The following GRM5 variants were observed in gnomAD, a reference collection of about 807,000 sequenced individuals.
GRM5 encodes glutamate metabotropic receptor 5, also known as metabotropic glutamate receptor 5.
Under a neutral mutation model 83.1 loss-of-function variants are expected in GRM5, and 19 were observed. That is an observed-to-expected ratio of 0.23 (90% CI 0.16 to 0.34). GRM5 has a LOEUF of 0.34. Ranked by LOEUF, GRM5 falls within the 10% of genes least tolerant of loss-of-function variation. The probability of loss-of-function intolerance (pLI) is 1.00; values close to 1 mark genes in which losing one functional copy is unlikely to be tolerated. For missense variants in GRM5, 1,160 were observed against 1,588.3 expected, an observed-to-expected ratio of 0.73 and a Z score of 4.58; for synonymous variants, 675 against 633.6, an observed-to-expected ratio of 1.07 and a Z score of -0.98.
chr11:88,815,779 T>A (rs1245424721), intron 3 of GRM5, among the ~76,000 whole-genome samples: 5 of 152,170 alleles, frequency 3.3e-5, no homozygotes, highest in African/African-American at 1.2e-4. Context: ...TCATGAGGAA[T>A]CGGTTCCCAT....
At chr11:88,948,778 A>G (rs1436563939) in intron 2 of GRM5, among the ~76,000 whole-genome samples, 1 of 152,220 alleles carries the variant, frequency 6.6e-6, no homozygotes, top group Non-Finnish European at 1.5e-5. Context: ...CCAAAGAAAT[A>G]AAGTTAATTA....
chr11:88,983,984 T>C (rs2135028810), intron 2 of GRM5, among the ~76,000 whole-genome samples: 1 of 152,244 alleles, frequency 6.6e-6, no homozygotes, highest in South Asian at 2.1e-4. Context: ...AAAAGGAATA[T>C]AAAGAAAATA....
intron 2 of GRM5, among the ~76,000 whole-genome samples, chr11:88,950,688 A>G (rs1402880511): frequency 6.6e-6 from 1 of 152,238 alleles, no homozygotes; most frequent in Non-Finnish European, 1.5e-5. Context: ...CCTCCCAGAT[A>G]TTCCAAAATA....
Position 89,053,129 on chromosome 11 carries a change from T to C in GRM5, c.-200-5057A>G, listed in dbSNP as rs770120385. 2.0e-5 allele frequency among the ~76,000 whole-genome samples: 3 copies of C among 151,572 alleles called. 1 individual carries two copies. Among genetic ancestry groups the C allele is most frequent in the African/African-American group, 7.3e-5 (3 of 41,236 alleles). ...CAAGAGATATAGAATCTTACAGGAGTTGCCTTTCAAACTATACATTAACGA... is the reference window on the plus strand; with the variant it reads ...CAAGAGATATAGAATCTTACAGGAGCTGCCTTTCAAACTATACATTAACGA... On this transcript the variant is annotated intron_variant, in intron 1 of 9. Coordinates refer to ENST00000305447, the MANE Select transcript of GRM5 (RefSeq NM_001143831.3).
intron 3 of GRM5, among the ~76,000 whole-genome samples, chr11:88,783,325 T>G (rs1943008339): frequency 6.6e-6 from 1 of 152,110 alleles, no homozygotes; most frequent in Non-Finnish European, 1.5e-5. Flanking sequence ...ATTTTGGGTA[T>G]CTTCCTCACT....
At chr11:88,646,531 C>T (rs75976438) in intron 4 of GRM5, among the ~76,000 whole-genome samples, 4,197 of 151,982 alleles carry the variant, frequency 0.028, 185 homozygotes, top group African/African-American at 0.094. Context: ...ACACTTTAGA[C>T]ATTGTAAGTG....
intron 2 of GRM5, among the ~76,000 whole-genome samples, chr11:88,853,133 T>C (rs954235078): frequency 6.6e-6 from 1 of 152,058 alleles, no homozygotes; most frequent in African/African-American, 2.4e-5. Flanking sequence ...TAGCAGAGGG[T>C]TTACAACTTG....
intron 2 of GRM5, among the ~76,000 whole-genome samples, chr11:88,859,174 G>C (rs576747809): frequency 6.6e-6 from 1 of 152,016 alleles, no homozygotes; most frequent in African/African-American, 2.4e-5. Context: ...ATAGGAGTAG[G>C]CTTGTGTGAA....
chr11:88,915,350 CT>C (rs1417497294), intron 2 of GRM5, among the ~76,000 whole-genome samples: 2 of 151,878 alleles, frequency 1.3e-5, no homozygotes, highest in Admixed American at 6.6e-5. Flanking sequence ...AATTGTAAGA[CT>C]TTTTTTAATG....
At chr11:88,525,222 G>A in intron 9 of GRM5, 87 bp downstream of exon 9, 1 of 792,830 alleles carries the variant, frequency 1.3e-6, no homozygotes, top group Non-Finnish European at 2.2e-6. Context: ...GCACAGTTGA[G>A]TGAGGACCCA....
At chr11:88,845,640 A>G (rs1944291500) in intron 3 of GRM5, among the ~76,000 whole-genome samples, 1 of 151,600 alleles carries the variant, frequency 6.6e-6, no homozygotes, top group South Asian at 2.1e-4. Context: ...TCACCGTGTT[A>G]GCCAGGATGG....
intron 4 of GRM5, among the ~76,000 whole-genome samples, chr11:88,642,713 C>T (rs1565167637): frequency 6.6e-6 from 1 of 152,142 alleles, no homozygotes; most frequent in African/African-American, 2.4e-5. Flanking sequence ...TTCAAACTTG[C>T]ACACATCTCT....
chr11:88,574,279 C>T lies in GRM5; in HGVS notation c.1691-6287G>A, dbSNP rs183080537. Reference sequence around the variant, plus strand: ...TTCTAATTCTAGTGCATGGATAAGTCATTCTCAAAAAACTTTTGCGTTGCC... The same window carrying T: ...TTCTAATTCTAGTGCATGGATAAGTTATTCTCAAAAAACTTTTGCGTTGCC... On this transcript the variant is annotated intron_variant, in intron 7 of 9. Coordinates refer to ENST00000305447, the MANE Select transcript of GRM5 (RefSeq NM_001143831.3). Among the ~76,000 whole-genome samples the T allele has an allele frequency of 6.6e-4, 100 of 152,204 alleles. 1 individual carries two copies. The highest frequency in any genetic ancestry group is 3.4e-3 in the Middle Eastern group (1 of 294).
intron 3 of GRM5, among the ~76,000 whole-genome samples, chr11:88,823,821 C>A (rs903217517): frequency 6.6e-6 from 1 of 152,130 alleles, no homozygotes; most frequent in Non-Finnish European, 1.5e-5. Flanking sequence ...GATGTTGGGA[C>A]CTTCAATCCA....
At chr11:88,582,549 G>A (rs1331641462) in intron 7 of GRM5, among the ~76,000 whole-genome samples, 1 of 152,124 alleles carries the variant, frequency 6.6e-6, no homozygotes, top group African/African-American at 2.4e-5. Context: ...AAGCTAGATA[G>A]CAGAATTCTG....
chr11:88,739,537 C>A (rs1457350499), intron 3 of GRM5, among the ~76,000 whole-genome samples: 1 of 151,980 alleles, frequency 6.6e-6, no homozygotes. Flanking sequence ...TGTGTCCCTA[C>A]CAAAATCTCG....
chr11:88,552,100 C>T (rs1942523576), intron 8 of GRM5, among the ~76,000 whole-genome samples: 1 of 151,528 alleles, frequency 6.6e-6, no homozygotes, highest in African/African-American at 2.4e-5. Flanking sequence ...CCATAGCTCA[C>T]TGTTGCCTCA....
rs954247942 is a variant in GRM5, at chr11:88,666,114, G to A, written c.912-12711C>T. ...TAATTTGTAGGCATTTACTGAAAAT[G>A]TCAGAAGTGGCTAAGAGATTGGACA... On this transcript the variant is annotated intron_variant, in intron 3 of 9. Coordinates refer to ENST00000305447, the MANE Select transcript of GRM5 (RefSeq NM_001143831.3). Among the ~76,000 whole-genome samples, 13 of 152,282 alleles carry A rather than the reference G, an allele frequency of 8.5e-5. No individual in the cohort carries two copies. The East Asian group carries it at 2.3e-3, about 27-fold the overall frequency.
At chr11:88,985,024 T>C (rs1939657113) in intron 2 of GRM5, 2 of 492,222 alleles carry the variant, frequency 4.1e-6, no homozygotes, top group Non-Finnish European at 3.7e-6. Context: ...TAATCATTTA[T>C]TAAGTCCTTT....
Sources: allele counts gnomAD v4.1 joint callset (sites outside exome capture counted in the v4.1 genomes callset), GRCh38; gene constraint gnomAD v4.1.1; transcripts MANE v1.5; gene names NCBI Gene and HGNC (gene_info 2026-07-23, HGNC 2026-07-21).